Variants in STK31 observed in about 807,000 individuals in gnomAD.
STK31 encodes serine/threonine-protein kinase 31.
Under a neutral mutation model 129.7 loss-of-function variants are expected in STK31, and 89 were observed. That is an observed-to-expected ratio of 0.69 (90% confidence interval 0.58 to 0.82). STK31 has a LOEUF of 0.82. Ranked by LOEUF, STK31 falls within the 40% of genes least tolerant of loss-of-function variation. STK31 has a pLI of 0.00. For synonymous variants in STK31, 448 were observed against 395.3 expected, an observed-to-expected ratio of 1.13 and a Z score of -1.58; for missense variants, 1,187 against 1,176.4, an observed-to-expected ratio of 1.01 and a Z score of -0.13.
chr7:23,734,433 G>A (rs1787601748), intron 6 of STK31, among the ~76,000 whole-genome samples: 1 of 152,276 alleles, frequency 6.6e-6, no homozygotes, highest in East Asian at 1.9e-4. Flanking sequence ...AGAGAAATTT[G>A]GGAAGAGCAG....
chr7:23,789,565 A>G (rs1212749294), intron 21 of STK31, among the ~76,000 whole-genome samples: 2 of 152,152 alleles, frequency 1.3e-5, no homozygotes, highest in Non-Finnish European at 2.9e-5. Flanking sequence ...TGGTAGCTCA[A>G]AAAGATGAGA....
At chr7:23,802,073 T>G (rs1322254667) in intron 22 of STK31, among the ~76,000 whole-genome samples, 1 of 152,162 alleles carries the variant, frequency 6.6e-6, no homozygotes, top group Non-Finnish European at 1.5e-5. Flanking sequence ...ACGTGTAAGG[T>G]CAGCCGAGAG....
At chr7:23,729,270 A>G (rs867903424) in intron 6 of STK31, 21 bp downstream of exon 6, 5 of 1,553,924 alleles carry the variant, frequency 3.2e-6, no homozygotes, top group Non-Finnish European at 8.6e-7. Context: ...TATTTTAAAT[A>G]TTTTTGCTAA....
At chr7:23,716,853 A>G (rs1286584067) in intron 3 of STK31, among the ~76,000 whole-genome samples, 3 of 141,710 alleles carry the variant, frequency 2.1e-5, no homozygotes, top group African/African-American at 7.9e-5. Flanking sequence ...AGAGTGCAGT[A>G]GTGTGCTCAT....
At chr7:23,811,305 C>A (rs568486471) in intron 22 of STK31, 13 of 415,826 alleles carry the variant, frequency 3.1e-5, no homozygotes, top group South Asian at 2.3e-4. Context: ...ATTTGTTCTG[C>A]AGCTTCTGCC....
chr7:23,774,703 A>G (rs908844673), intron 15 of STK31, among the ~76,000 whole-genome samples: 1 of 152,162 alleles, frequency 6.6e-6, no homozygotes, highest in Admixed American at 6.5e-5. Flanking sequence ...GTAGATTGCA[A>G]AAATTTTCTC....
intron 4 of STK31, among the ~76,000 whole-genome samples, chr7:23,724,359 G>T (rs1180737406): frequency 6.6e-6 from 1 of 152,122 alleles, no homozygotes; most frequent in Non-Finnish European, 1.5e-5. Context: ...TAAATTAAGG[G>T]GTCAATTGGA....
At chr7:23,754,275 AATT>A in intron 9 of STK31, 37 bp from the exon 10 acceptor site, 1 of 1,590,152 alleles carries the variant, frequency 6.3e-7, no homozygotes, top group Non-Finnish European at 8.5e-7. Context: ...CCAGCTTTCT[AATT>A]TATTGATCTT....
At chr7:23,766,768 C>A (rs1250170027) in intron 11 of STK31, among the ~76,000 whole-genome samples, 1 of 152,030 alleles carries the variant, frequency 6.6e-6, no homozygotes, top group Non-Finnish European at 1.5e-5. Flanking sequence ...ACTTCTCTCC[C>A]CCATTAATTT....
chr7:23,738,250 A>ATT lies in STK31; in HGVS notation c.1017+1173_1017+1174insTT, dbSNP rs1349444923. 3.5e-4 allele frequency among the ~76,000 whole-genome samples: 53 copies of ATT among 152,340 alleles called. No individual in the cohort carries two copies. The East Asian group carries it at 4.2e-3, about 12-fold the overall frequency. Reference sequence around the variant, plus strand: ...AAACAGCCAAATAAATGGAAGATATATATAAGGCAAGGTACTGGGGCAGGA... The same window carrying ATT: ...AAACAGCCAAATAAATGGAAGATATATTTATAAGGCAAGGTACTGGGGCAGGA... On this transcript the variant is annotated intron_variant, in intron 8 of 23. Transcript: ENST00000355870.
At chr7:23,808,778 C>A (rs1018852974) in intron 22 of STK31, among the ~76,000 whole-genome samples, 8 of 152,016 alleles carry the variant, frequency 5.3e-5, no homozygotes, top group African/African-American at 1.9e-4. Flanking sequence ...GGCTGAAAGT[C>A]CAGCTCCTCA....
intron 22 of STK31, among the ~76,000 whole-genome samples, chr7:23,793,149 G>A (rs1470759099): frequency 6.6e-6 from 1 of 152,194 alleles, no homozygotes; most frequent in Admixed American, 6.5e-5. Context: ...AGTTCTCTGG[G>A]TAAAAGGAGA....
At chr7:23,823,055 G>A (rs1283260882) in intron 23 of STK31, among the ~76,000 whole-genome samples, 1 of 152,058 alleles carries the variant, frequency 6.6e-6, no homozygotes. Context: ...CGCAATAAAC[G>A]TATGTGTGCA....
chr7:23,730,844 G>A (rs372613640), intron 6 of STK31, among the ~76,000 whole-genome samples: 3 of 113,936 alleles, frequency 2.6e-5, no homozygotes, highest in East Asian at 5.2e-4. Flanking sequence ...ATATGGTACT[G>A]TATATAAACA....
intron 23 of STK31, among the ~76,000 whole-genome samples, chr7:23,823,367 A>G (rs1300008350): frequency 1.3e-5 from 2 of 151,970 alleles, no homozygotes; most frequent in Non-Finnish European, 2.9e-5. Context: ...GCATTTTTTC[A>G]TGTGTTTTTT....
intron 22 of STK31, among the ~76,000 whole-genome samples, chr7:23,807,118 G>A (rs888467774): frequency 1.1e-4 from 17 of 152,088 alleles, no homozygotes; most frequent in African/African-American, 4.1e-4. Flanking sequence ...TGTTTTTTAA[G>A]ATAGTCTATT....
intron 3 of STK31, among the ~76,000 whole-genome samples, chr7:23,715,207 AT>A (rs11320152): frequency 0.65 from 99,129 of 151,404 alleles, 32,571 homozygotes; most frequent in South Asian, 0.81. Context: ...TGTATTCTCC[AT>A]TTTTTTTTGC....
chr7:23,730,878 A>ATATATATTTTTTTTTTTTTTTTTT, intron 6 of STK31, among the ~76,000 whole-genome samples: 2 of 59,554 alleles, frequency 3.4e-5, no homozygotes, highest in Non-Finnish European at 6.6e-5. Flanking sequence ...ATATATATAT[A>ATATATATTTTTTTTTTTTTTTTTT]TTTTTTTTTT....
Position 23,729,224 on chromosome 7 carries a change from A to C in STK31, c.458A>C (p.Asp153Ala), listed in dbSNP as rs1194780212. ...CTTTGGGGACTACACATTCCTTCTG[A>C]TCAAGAAGTTACCCAGTTTGATCAG... Reference protein sequence around the residue: ...YKLWGLHIPSDQEVTQFDQGT... With the variant: ...YKLWGLHIPSAQEVTQFDQGT... Residue 153 changes from aspartate to alanine, a missense_variant, in exon 6 of 24, where the codon GAT becomes GCT. Around this residue, in one of 5 missense-constraint regions of STK31, gnomAD observed 103 missense variants for 110.4 expected, o/e 0.93. Transcript: ENST00000355870. 1 of 1,604,234 alleles carries C rather than the reference A, an allele frequency of 6.2e-7. No individual in the cohort carries two copies. Among genetic ancestry groups the C allele is most frequent in the Admixed American group, 1.7e-5 (1 of 58,266 alleles).
Sources: gnomAD v4.1 joint callset for allele counts (sites outside exome capture counted in the v4.1 genomes callset) on GRCh38, gnomAD v4.1.1 for gene constraint, gnomAD v4.1.1 regional missense constraint, MANE v1.5 for transcripts, NCBI Gene and HGNC (gene_info 2026-07-23, HGNC 2026-07-21) for gene names.